UBAP2: variants seen among roughly 807,000 people sequenced by gnomAD.
The protein encoded by UBAP2 is ubiquitin-associated protein 2.
UBAP2 carries 75 observed loss-of-function variants against 139.6 expected under a neutral mutation model. That is an observed-to-expected ratio of 0.54 (90% CI 0.45 to 0.65). The LOEUF (loss-of-function observed/expected upper bound fraction) is 0.65. Ranked by LOEUF, UBAP2 falls within the 30% of genes least tolerant of loss-of-function variation. UBAP2 has a pLI of 0.00. For missense variants in UBAP2, 1,368 were observed against 1,369.6 expected (o/e 1.00, Z 0.02); for synonymous variants, 526 against 526.2 (o/e 1.00, Z 0.01).
At chr9:34,035,297 G>A (rs1405726715) in intron 1 of UBAP2, among the ~76,000 whole-genome samples, 2 of 151,488 alleles carry the variant, frequency 1.3e-5, no homozygotes, top group Non-Finnish European at 2.9e-5. Context: ...GAGGTCAGGA[G>A]TTCAAGACCA....
chr9:33,926,996 G>A lies in UBAP2; in HGVS notation c.2456C>T (p.Ala819Val), dbSNP rs1457148324. The A allele has an allele frequency of 6.2e-7, 1 of 1,613,894 alleles. No homozygotes were observed. ...GTTCCGCCATACACTCACCGGGTAG[G>A]CAGGAAGCAGTCCTCCGGGACCTAC... ...YLVGPGGLLP[A>V]YPIYGYDELQ... Residue 819 changes from alanine to valine, a missense_variant, in exon 21 of 29, where the codon GCC becomes GTC. Ala to Val is a moderately conservative substitution (Grantham distance 64). Transcript: ENST00000379238.
At chr9:33,954,301 C>CACACACACACAT (rs1554682975) in intron 11 of UBAP2, among the ~76,000 whole-genome samples, 19,045 of 145,676 alleles carry the variant, frequency 0.13, 1,362 homozygotes, top group South Asian at 0.2. Flanking sequence ...CACACACACA[C>CACACACACACAT]GCCCATATAA....
At chr9:33,950,455 T>C (rs184160166) in intron 12 of UBAP2, among the ~76,000 whole-genome samples, 1 of 152,348 alleles carries the variant, frequency 6.6e-6, no homozygotes, top group East Asian at 1.9e-4. Context: ...ACTTCTATTA[T>C]CAACATTCAA....
intron 1 of UBAP2, among the ~76,000 whole-genome samples, chr9:34,029,860 A>G (rs1825736694): frequency 1.3e-5 from 2 of 151,474 alleles, no homozygotes; most frequent in African/African-American, 4.8e-5. Context: ...TGGTGGGGGC[A>G]CCTGTAATCC....
rs1826876475 is a variant in UBAP2, at chr9:34,039,817, G to A, written c.-42+9008C>T. 3.4e-5 allele frequency among the ~76,000 whole-genome samples: 4 copies of A among 118,514 alleles called. No homozygotes were observed. The South Asian group carries it at 1.1e-3, about 33-fold the overall frequency. 77.7% of individuals were successfully genotyped at this position (118,514 alleles called of 152,430 possible). On this transcript the variant is annotated intron_variant, in intron 1 of 28. Coordinates refer to ENST00000379238, the MANE Select transcript of UBAP2 (RefSeq NM_001370062.2). The stretch of plus-strand genomic sequence containing the variant: ...ATGACCCTGCCAAATCCCCCTCTGC[G>A]AGAAACACCCAAGAATGATCAATAA...
intron 14 of UBAP2, 39 bp downstream of exon 14, chr9:33,944,326 T>G (rs755024364): frequency 6.3e-7 from 1 of 1,597,974 alleles, no homozygotes; most frequent in Non-Finnish European, 8.6e-7. Context: ...TAAAAATAAT[T>G]CCAGCTTTAG....
At chr9:33,933,397 C>T (rs1359395957) in intron 18 of UBAP2, 93 bp downstream of exon 18, 5 of 1,403,644 alleles carry the variant, frequency 3.6e-6, no homozygotes, top group African/African-American at 1.4e-5. Context: ...TCAGAGACAA[C>T]AAGTGTGCTC....
intron 21 of UBAP2, 130 bp downstream of exon 21, chr9:33,926,859 A>T: frequency 9.8e-7 from 1 of 1,018,082 alleles, no homozygotes; most frequent in Non-Finnish European, 1.5e-6. Flanking sequence ...AGTGGGGCAG[A>T]GACGGGGGTG....
At chr9:33,989,214 T>TTTTG in intron 4 of UBAP2, 88 bp from the exon 5 acceptor site, 1 of 1,403,594 alleles carries the variant, frequency 7.1e-7, no homozygotes, top group Non-Finnish European at 9.3e-7. Flanking sequence ...TTTTTTTTTT[T>TTTTG]TTTTTTGAGA....
intron 1 of UBAP2, among the ~76,000 whole-genome samples, chr9:34,034,790 T>C (rs1365896640): frequency 6.6e-6 from 1 of 152,066 alleles, no homozygotes; most frequent in Non-Finnish European, 1.5e-5. Context: ...GGAGAATTGC[T>C]TCAACCTGGG....
intron 6 of UBAP2, among the ~76,000 whole-genome samples, chr9:33,979,405 G>A (rs1820436384): frequency 1.3e-5 from 2 of 152,054 alleles, no homozygotes; most frequent in African/African-American, 2.4e-5. Context: ...GAGAAATCCC[G>A]TCTCTACTGA....
intron 2 of UBAP2, among the ~76,000 whole-genome samples, chr9:33,999,898 GTATGTA>G (rs1564055689): frequency 1.1e-5 from 1 of 94,444 alleles, no homozygotes; most frequent in African/African-American, 3.6e-5. Context: ...ATGTATGTAT[GTATGTA>G]TGTTATTTTG....
chr9:33,939,019 A>C (rs911188459), intron 16 of UBAP2: 1 of 390,094 alleles, frequency 2.6e-6, no homozygotes, highest in East Asian at 7.7e-5. Flanking sequence ...TATTTTTCTA[A>C]ATGTTTAGTT....
chr9:33,985,184 T>G (rs981854690), intron 6 of UBAP2, among the ~76,000 whole-genome samples: 1 of 151,528 alleles, frequency 6.6e-6, no homozygotes, highest in Non-Finnish European at 1.5e-5. Context: ...GCAATTTCTA[T>G]TTTTTTTTAA....
At chr9:33,991,415 AAGTAGTCT>A (rs1821701982) in intron 4 of UBAP2, among the ~76,000 whole-genome samples, 1 of 152,192 alleles carries the variant, frequency 6.6e-6, no homozygotes, top group African/African-American at 2.4e-5. Flanking sequence ...TCAGGAGACT[AAGTAGTCT>A]AGTGTATCCA....
chr9:33,924,732 C>T lies in UBAP2; in HGVS notation c.2512-448G>A, dbSNP rs146414724. On this transcript the variant is annotated intron_variant, in intron 22 of 28. Coordinates refer to ENST00000379238, the MANE Select transcript of UBAP2 (RefSeq NM_001370062.2). ...GACAGGGGGCAGTGCCAGGTAGGCACGGGAATAAGCAGGACCCCAGGTGAA... is the reference window on the plus strand; with the variant it reads ...GACAGGGGGCAGTGCCAGGTAGGCATGGGAATAAGCAGGACCCCAGGTGAA... 4.3e-3 allele frequency among the ~76,000 whole-genome samples: 658 copies of T among 152,240 alleles called. 4 individuals carry two copies. Among genetic ancestry groups the T allele is most frequent in the South Asian group, 6.6e-3 (32 of 4,826 alleles).
intron 19 of UBAP2, among the ~76,000 whole-genome samples, chr9:33,930,721 T>C (rs1262663919): frequency 2.0e-5 from 3 of 151,576 alleles, no homozygotes; most frequent in Admixed American, 2.0e-4. Flanking sequence ...CATAGTGAAA[T>C]CCCGTCTCTA....
intron 2 of UBAP2, among the ~76,000 whole-genome samples, chr9:34,004,212 G>T (rs900359619): frequency 6.6e-6 from 1 of 152,094 alleles, no homozygotes; most frequent in Admixed American, 6.6e-5. Context: ...CGGGCATAAT[G>T]AACTTTTTAA....
chr9:34,024,937 T>C (rs1222058124), intron 1 of UBAP2, among the ~76,000 whole-genome samples: 1 of 151,248 alleles, frequency 6.6e-6, no homozygotes, highest in Non-Finnish European at 1.5e-5. Context: ...TGAACCGAGA[T>C]CATGCCACTA....
Sources: allele counts gnomAD v4.1 joint callset (sites outside exome capture counted in the v4.1 genomes callset), GRCh38; gene constraint gnomAD v4.1.1; transcripts MANE v1.5; gene names NCBI Gene and HGNC (gene_info 2026-07-23, HGNC 2026-07-21).